The following DPP6 variants were observed in gnomAD, a reference collection of about 807,000 sequenced individuals.
DPP6 encodes the protein A-type potassium channel modulatory protein DPP6.
Under a neutral mutation model 122.6 loss-of-function variants are expected in DPP6, and 69 were observed. The ratio of observed to expected loss-of-function variants is 0.56; its 90% CI spans 0.46 to 0.69. The LOEUF is 0.69. DPP6 is among the 30% of genes least tolerant of loss of function. The probability of loss-of-function intolerance (pLI) is 0.00; values close to 1 mark genes in which losing one functional copy is unlikely to be tolerated. For missense variants in DPP6, 928 were observed against 1,116.9 expected (o/e 0.83, Z 2.41); for synonymous variants, 418 against 433.1 (o/e 0.97, Z 0.43).
intron 8 of DPP6, among the ~76,000 whole-genome samples, chr7:154,763,267 G>T (rs1045657162): frequency 1.3e-5 from 2 of 152,146 alleles, no homozygotes; most frequent in African/African-American, 4.8e-5. Context: ...GGGAGGCAGA[G>T]GTTGCAGTGA....
At chr7:154,485,004 G>T (rs1823662134) in intron 3 of DPP6, among the ~76,000 whole-genome samples, 1 of 152,020 alleles carries the variant, frequency 6.6e-6, no homozygotes, top group African/African-American at 2.4e-5. Flanking sequence ...GTAGAGGGGG[G>T]AATTCAAGTT....
chr7:153,792,905 G>C, the DPP6 span, among the ~76,000 whole-genome samples: 3 of 152,092 alleles, frequency 2.0e-5, no homozygotes, highest in Non-Finnish European at 2.9e-5. Context: ...GTTTATCAGG[G>C]GTTTCTGCTT....
chr7:154,062,814 G>C (rs1802199693), intron 1 of DPP6, among the ~76,000 whole-genome samples: 2 of 124,130 alleles, frequency 1.6e-5, no homozygotes, highest in Admixed American at 8.3e-5. Flanking sequence ...TCGCAGAGGG[G>C]GGAGGCACCC....
intron 2 of DPP6, among the ~76,000 whole-genome samples, chr7:154,447,760 T>G (rs1820013095): frequency 6.6e-6 from 1 of 152,174 alleles, no homozygotes; most frequent in Non-Finnish European, 1.5e-5. Context: ...AAAAACAAAT[T>G]GGCTTGTATG....
At chr7:154,151,655 G>A (rs188590785) in intron 1 of DPP6, among the ~76,000 whole-genome samples, 1 of 152,246 alleles carries the variant, frequency 6.6e-6, no homozygotes, top group African/African-American at 2.4e-5. Flanking sequence ...GGGACCAGCT[G>A]TGAAGTACAG....
chr7:154,195,900 G>A (rs1162257483), intron 1 of DPP6, among the ~76,000 whole-genome samples: 1 of 152,038 alleles, frequency 6.6e-6, no homozygotes, highest in African/African-American at 2.4e-5. Flanking sequence ...CCTGTGCCTC[G>A]TTCTTACATG....
In DPP6 at chr7:154,760,344, A is replaced by G. The variant is rs1795455724; in HGVS notation, c.884-9073A>G. 6.6e-6 allele frequency among the ~76,000 whole-genome samples: 1 copy of G among 151,764 alleles called. No homozygotes were observed. The highest frequency in any genetic ancestry group is 1.5e-5 in the Non-Finnish European group (1 of 67,984). On this transcript the variant is annotated intron_variant, in intron 8 of 25. Transcript: ENST00000377770. The surrounding 1 kb of genome is among the most constrained non-coding windows in gnomAD (Gnocchi z 4.5). ...ACTCATGGGCTGTGTGTGCAAATTCAGGGGGGTGGGGTGGAGGAAATTCAG... is the reference window on the plus strand; with the variant it reads ...ACTCATGGGCTGTGTGTGCAAATTCGGGGGGGTGGGGTGGAGGAAATTCAG...
Position 154,396,661 on chromosome 7 carries a change from C to G in DPP6, c.244-49553C>G, listed in dbSNP as rs769672002. Among the ~76,000 whole-genome samples the G allele has an allele frequency of 8.8e-4, 134 of 152,218 alleles. 1 individual carries two copies. Among genetic ancestry groups the G allele is most frequent in the Non-Finnish European group, 2.4e-4 (16 of 68,052 alleles). On this transcript the variant is annotated intron_variant, in intron 1 of 25. Transcript: ENST00000377770. Reference sequence around the variant, plus strand: ...CACAGAGTTATTACGTGTTAGAGCACACACAAAGTGTATTCTCGGCCAGGC... The same window carrying G: ...CACAGAGTTATTACGTGTTAGAGCAGACACAAAGTGTATTCTCGGCCAGGC...
At chr7:153,958,520 C>T in intron 1 of DPP6, among the ~76,000 whole-genome samples, 1 of 152,072 alleles carries the variant, frequency 6.6e-6, no homozygotes, top group Non-Finnish European at 1.5e-5. Context: ...AGGAGGAGAC[C>T]TCACCCTAGC....
intron 10 of DPP6, among the ~76,000 whole-genome samples, chr7:154,778,047 C>A (rs1349652160): frequency 6.6e-6 from 1 of 152,190 alleles, no homozygotes; most frequent in Non-Finnish European, 1.5e-5. Flanking sequence ...ACTCCCATGC[C>A]CTCGCCACCT....
At chr7:154,661,815 T>C (rs1403848910) in intron 6 of DPP6, among the ~76,000 whole-genome samples, 1 of 144,166 alleles carries the variant, frequency 6.9e-6, no homozygotes, top group Non-Finnish European at 1.5e-5. Flanking sequence ...TTGGCCCTAG[T>C]GTTCACGCAG....
chr7:153,857,322 TTCTCTCTCTCTCTCTCTC>T, the DPP6 span, among the ~76,000 whole-genome samples: 1 of 124,390 alleles, frequency 8.0e-6, no homozygotes, highest in African/African-American at 3.2e-5. Flanking sequence ...CTCAAAGGTT[TTCTCTCTCTCTCTCTCTC>T]TCTCTCTCTC....
chr7:154,545,770 C>G (rs1829135127), intron 4 of DPP6, among the ~76,000 whole-genome samples: 1 of 152,138 alleles, frequency 6.6e-6, no homozygotes, highest in Non-Finnish European at 1.5e-5. Flanking sequence ...CTAAGAATTT[C>G]TAAGAACAGT....
At chr7:154,513,611 T>C (rs886371403) in intron 3 of DPP6, among the ~76,000 whole-genome samples, 11 of 152,138 alleles carry the variant, frequency 7.2e-5, no homozygotes, top group African/African-American at 2.7e-4. Flanking sequence ...TCAGCTCTGA[T>C]CATCCATTAG....
intron 1 of DPP6, among the ~76,000 whole-genome samples, chr7:153,942,346 A>C (rs768599819): frequency 1.3e-5 from 2 of 152,180 alleles, no homozygotes; most frequent in Non-Finnish European, 2.9e-5. Context: ...TTGATACCCA[A>C]AACCTTCTTA....
the DPP6 span, among the ~76,000 whole-genome samples, chr7:153,810,100 C>T: frequency 6.6e-6 from 1 of 152,228 alleles, no homozygotes; most frequent in Admixed American, 6.5e-5. Flanking sequence ...GCAAAGTTCA[C>T]CGACTTGATG....
At chr7:154,616,540 T>C (rs1834269665) in intron 5 of DPP6, among the ~76,000 whole-genome samples, 1 of 152,120 alleles carries the variant, frequency 6.6e-6, no homozygotes, top group Admixed American at 6.5e-5. Flanking sequence ...TGGGAGGCTA[T>C]GGGAGACCAT....
At chr7:153,931,566 T>TA (rs1450427424) in intron 1 of DPP6, among the ~76,000 whole-genome samples, 1 of 96,990 alleles carries the variant, frequency 1.0e-5, no homozygotes, top group Non-Finnish European at 2.2e-5. Context: ...AAGTATTTCA[T>TA]GGGAAAAAAA....
intron 8 of DPP6, among the ~76,000 whole-genome samples, chr7:154,739,673 G>GTCC (rs60131003): frequency 0.5 from 75,177 of 151,832 alleles, 18,975 homozygotes; most frequent in South Asian, 0.63. Context: ...AGAACCATTA[G>GTCC]TCATCATCTC....
Sources: allele counts gnomAD v4.1 joint callset (sites outside exome capture counted in the v4.1 genomes callset), GRCh38; gene constraint gnomAD v4.1.1; non-coding constraint Gnocchi (gnomAD v3.1); transcripts MANE v1.5; gene names NCBI Gene and HGNC (gene_info 2026-07-23, HGNC 2026-07-21).